GNA12: variants seen among roughly 807,000 people sequenced by gnomAD.
GNA12 encodes the protein guanine nucleotide-binding protein subunit alpha-12.
A neutral mutation model predicts 26.0 loss-of-function variants in GNA12; 9 were observed. The ratio of observed to expected loss-of-function variants is 0.35; its 90% CI spans 0.21 to 0.60. The LOEUF is 0.60. Among genes scored for constraint, GNA12 ranks in the 20% least tolerant of loss-of-function variants. GNA12 has a pLI of 0.78. For synonymous variants in GNA12, 264 were observed against 219.6 expected (o/e 1.20, Z -1.79); for missense variants, 405 against 525.8 (o/e 0.77, Z 2.25).
chr7:2,754,203 C>T (rs1417199682), intron 2 of GNA12, among the ~76,000 whole-genome samples: 2 of 152,196 alleles, frequency 1.3e-5, no homozygotes, highest in East Asian at 3.8e-4. Context: ...TCTGAGTCTG[C>T]ATCTCCCTTA....
At chr7:2,830,284 T>C (rs1378798023) in intron 1 of GNA12, among the ~76,000 whole-genome samples, 2 of 152,120 alleles carry the variant, frequency 1.3e-5, no homozygotes, top group Non-Finnish European at 2.9e-5. Context: ...CTCATACGAG[T>C]CTCAATATTT....
rs1792763448 is a variant in GNA12 at position 2,799,737 on chromosome 7, G to A, written c.310-4594C>T. 3.3e-5 allele frequency among the ~76,000 whole-genome samples: 5 copies of A among 152,108 alleles called. No homozygotes were observed. In the South Asian group the frequency reaches 1.0e-3, roughly 32 times the overall value. On this transcript the variant is annotated intron_variant, in intron 1 of 3. Transcript: ENST00000275364. Reference sequence around the variant, plus strand: ...GATATTTCACTGGAGAACATATATAGGCAGCAAATACACAAGTGAAAAAGA... The same window carrying A: ...GATATTTCACTGGAGAACATATATAAGCAGCAAATACACAAGTGAAAAAGA...
chr7:2,807,167 T>C (rs1418412922), intron 1 of GNA12, among the ~76,000 whole-genome samples: 1 of 152,024 alleles, frequency 6.6e-6, no homozygotes, highest in African/African-American at 2.4e-5. Context: ...CAACTGAAAA[T>C]GAGGAAAATT....
intron 1 of GNA12, among the ~76,000 whole-genome samples, chr7:2,815,672 C>T (rs751321868): frequency 6.6e-6 from 1 of 152,226 alleles, no homozygotes; most frequent in Non-Finnish European, 1.5e-5. Flanking sequence ...CACAAGTACC[C>T]CTCCGCCTCC....
intron 2 of GNA12, among the ~76,000 whole-genome samples, chr7:2,771,914 T>A (rs1791957708): frequency 6.6e-6 from 1 of 152,128 alleles, no homozygotes; most frequent in African/African-American, 2.4e-5. Flanking sequence ...GAGCCTGAGT[T>A]CCCACCCCCG....
intron 1 of GNA12, among the ~76,000 whole-genome samples, chr7:2,808,123 A>G (rs1020535012): frequency 1.3e-5 from 2 of 152,254 alleles, no homozygotes; most frequent in Admixed American, 6.5e-5. Context: ...ATCTTAATTT[A>G]TGCTTCATTT....
At chr7:2,780,333 C>A (rs901294063) in intron 2 of GNA12, among the ~76,000 whole-genome samples, 1 of 151,828 alleles carries the variant, frequency 6.6e-6, no homozygotes, top group African/African-American at 2.4e-5. Flanking sequence ...AACATCCTTG[C>A]AAATAATCTT....
intron 2 of GNA12, among the ~76,000 whole-genome samples, chr7:2,768,750 T>C (rs994122960): frequency 1.3e-5 from 2 of 151,954 alleles, no homozygotes; most frequent in African/African-American, 4.8e-5. Flanking sequence ...CCCACAACTA[T>C]TAATCACTGT....
At position 2,794,937 on chromosome 7, in the gene GNA12, C is replaced by T. The variant is rs1792619539; in HGVS notation, c.516G>A (p.Glu172=). The change falls in exon 2 of 4, where the codon GAG becomes GAA. Residue 172 remains glutamate (E), a synonymous_variant. Coordinates refer to ENST00000275364, the MANE Select transcript of GNA12 (RefSeq NM_007353.3). The part of the protein sequence containing the change: ...GIREAFSRRS[E]FQLGESVKYF... ...AGGCCTACTCACTCACCAGCTGAAA[C>T]TCGCTTCTCCGGCTGAAAGCCTCCC... 1.2e-6 allele frequency: 2 copies of T among 1,613,252 alleles called. No homozygotes were observed. The highest frequency in any genetic ancestry group is 2.7e-5 in the African/African-American group (2 of 74,904).
intron 2 of GNA12, among the ~76,000 whole-genome samples, chr7:2,743,189 G>C (rs913881716): frequency 6.6e-6 from 1 of 152,166 alleles, no homozygotes; most frequent in Non-Finnish European, 1.5e-5. Context: ...CGTATATATG[G>C]GGGCAAACTG....
At chr7:2,842,083 G>A (rs1201058016) in intron 1 of GNA12, among the ~76,000 whole-genome samples, 3 of 86,104 alleles carry the variant, frequency 3.5e-5, no homozygotes, top group East Asian at 4.3e-4. Flanking sequence ...AAAGGAAGGC[G>A]GGAAGGAAAG....
At chr7:2,811,691 G>A (rs545257866) in intron 1 of GNA12, among the ~76,000 whole-genome samples, 6 of 152,300 alleles carry the variant, frequency 3.9e-5, no homozygotes, top group East Asian at 1.9e-4. Flanking sequence ...AACCCTAGCC[G>A]CCAATGCTGC....
chr7:2,754,429 T>C (rs1447241923), intron 2 of GNA12, among the ~76,000 whole-genome samples: 2 of 152,160 alleles, frequency 1.3e-5, no homozygotes, highest in Non-Finnish European at 2.9e-5. Flanking sequence ...AGTCTGTAGC[T>C]TGTCTTTTCA....
intron 1 of GNA12, among the ~76,000 whole-genome samples, chr7:2,804,197 T>TA (rs1562437205): frequency 6.6e-6 from 1 of 152,270 alleles, no homozygotes; most frequent in Admixed American, 6.5e-5. Flanking sequence ...CTTCATGTGC[T>TA]AATTCAGTGT....
At chr7:2,769,799 T>C (rs1791902585) in intron 2 of GNA12, among the ~76,000 whole-genome samples, 1 of 152,170 alleles carries the variant, frequency 6.6e-6, no homozygotes, top group Non-Finnish European at 1.5e-5. Flanking sequence ...AAAAAGGTTG[T>C]ACCAATTTAT....
At chr7:2,733,548 CCTGA>C in intron 2 of GNA12, 47 bp from the exon 3 acceptor site, 3 of 1,444,530 alleles carry the variant, frequency 2.1e-6, no homozygotes, top group Non-Finnish European at 2.9e-6. Context: ...ACTGAGGAAT[CCTGA>C]TGTGGCAAAT....
At chr7:2,775,126 T>C (rs1444844609) in intron 2 of GNA12, among the ~76,000 whole-genome samples, 5 of 152,148 alleles carry the variant, frequency 3.3e-5, no homozygotes, top group African/African-American at 1.2e-4. Flanking sequence ...GAGTACCAAA[T>C]TCGTAACAGG....
Position 2,741,890 on chromosome 7 carries a change from G to A in GNA12, c.526-8389C>T, listed in dbSNP as rs538623358. ...TCATAATTACCACGTATTAGACACC[G>A]AGGTTTATCTAATATATACAGATAC... is the stretch of plus-strand genomic sequence containing the variant. On this transcript the variant is annotated intron_variant, in intron 2 of 3. Coordinates refer to ENST00000275364, the MANE Select transcript of GNA12 (RefSeq NM_007353.3). 1.1e-4 allele frequency among the ~76,000 whole-genome samples: 17 copies of A among 150,972 alleles called. 1 individual carries two copies. In the South Asian group the frequency reaches 3.2e-3, roughly 28 times the overall value.
intron 2 of GNA12, among the ~76,000 whole-genome samples, chr7:2,785,685 T>C (rs374553352): frequency 2.0e-5 from 3 of 146,606 alleles, no homozygotes; most frequent in East Asian, 3.9e-4. Context: ...TGTAAGTGTA[T>C]TGTGTATGTG....
Sources: allele counts gnomAD v4.1 joint callset (sites outside exome capture counted in the v4.1 genomes callset), GRCh38; gene constraint gnomAD v4.1.1; transcripts MANE v1.5; gene names NCBI Gene and HGNC (gene_info 2026-07-23, HGNC 2026-07-21).